AAK1: variants seen among roughly 807,000 people sequenced by gnomAD.
AAK1 encodes AP2 associated kinase 1, also known as AP2-associated protein kinase 1.
AAK1 carries 37 observed loss-of-function variants against 116.0 expected under a neutral mutation model. The ratio of observed to expected loss-of-function variants is 0.32; its 90% confidence interval spans 0.25 to 0.42. The LOEUF (loss-of-function observed/expected upper bound fraction) is 0.42. Ranked by LOEUF, AAK1 falls within the 10% of genes least tolerant of loss-of-function variation. The pLI, the probability that AAK1 is intolerant of heterozygous loss-of-function variation, is 1.00. For synonymous variants in AAK1, 458 were observed against 439.9 expected (o/e 1.04, Z -0.51); for missense variants, 919 against 1,170.6 (o/e 0.79, Z 3.14).
At position 69,643,196 on chromosome 2, in the gene AAK1, G is replaced by C. The variant is rs190780736; in HGVS notation, c.-156C>G. 3 of 1,433,678 alleles carry C rather than the reference G, an allele frequency of 2.1e-6. No individual in the cohort carries two copies. In the East Asian group the frequency reaches 7.6e-5, roughly 36 times the overall value. 88.8% of individuals were successfully genotyped at this position (1,433,678 alleles called of 1,614,324 possible). A position where few individuals can be genotyped will look rare whatever the true frequency, so the allele number is the denominator to read the frequency against. On this transcript the variant is annotated 5_prime_UTR_variant, in exon 2 of 22. Transcript: ENST00000409085. ...GGCCGTGGGGGTGGGGGCTGAGGGA[G>C]GATGCCTATAGGAATATGCGTGTCA...
chr2:69,516,593 A>T (rs974562449), intron 12 of AAK1, among the ~76,000 whole-genome samples: 1 of 152,144 alleles, frequency 6.6e-6, no homozygotes, highest in African/African-American at 2.4e-5. Flanking sequence ...GGGCAGCATG[A>T]TCCTAGAGGG....
chr2:69,467,771 C>G lies in AAK1; in HGVS notation c.*8098G>C, dbSNP rs1258963429. The stretch of plus-strand genomic sequence containing the variant: ...AAAGTTTCTGCATGAATTAAGCACA[C>G]AGACCACAGCAGAAGAGGCATTAAA... On this transcript the variant is annotated 3_prime_UTR_variant, in exon 22 of 22. Coordinates refer to ENST00000409085, the MANE Select transcript of AAK1 (RefSeq NM_014911.5). 1 of 985,268 alleles carries G rather than the reference C, an allele frequency of 1.0e-6. No homozygotes were observed. Among genetic ancestry groups the G allele is most frequent in the African/African-American group, 1.7e-5 (1 of 57,194 alleles). 61.0% of individuals were successfully genotyped at this position (985,268 alleles called of 1,614,324 possible). A position where few individuals can be genotyped will look rare whatever the true frequency, so the allele number is the denominator to read the frequency against.
chr2:69,461,602 T>C lies in AAK1; in HGVS notation c.*14267A>G. 1 of 429,484 alleles carries C rather than the reference T, an allele frequency of 2.3e-6. No individual in the cohort carries two copies. The highest frequency in any genetic ancestry group is 1.7e-5 in the South Asian group (1 of 59,382). The allele number at this position is 429,484 out of a possible 1,614,324, so 26.6% of individuals were successfully genotyped here. A position where few individuals can be genotyped will look rare whatever the true frequency, so the allele number is the denominator to read the frequency against. On this transcript the variant is annotated 3_prime_UTR_variant, in exon 22 of 22. Transcript: ENST00000409085. The stretch of plus-strand genomic sequence containing the variant: ...ATCATGTCTCCAGTGACAATTTTTT[T>C]TTTTTTTTTGAGGCGGAGTTTTGCT...
chr2:69,630,177 T>C (rs1332050069), intron 2 of AAK1, among the ~76,000 whole-genome samples: 1 of 152,076 alleles, frequency 6.6e-6, no homozygotes, highest in Non-Finnish European at 1.5e-5. Flanking sequence ...GAGAGGCCCA[T>C]CATACTTATA....
intron 9 of AAK1, among the ~76,000 whole-genome samples, chr2:69,525,810 C>T (rs538561248): frequency 2.4e-4 from 36 of 152,190 alleles, no homozygotes; most frequent in African/African-American, 8.0e-4. Flanking sequence ...TTTTAAAAAA[C>T]TAGCTACCAA....
intron 2 of AAK1, among the ~76,000 whole-genome samples, chr2:69,582,578 G>C (rs1672594435): frequency 6.6e-6 from 1 of 152,168 alleles, no homozygotes; most frequent in Non-Finnish European, 1.5e-5. Flanking sequence ...GCTACTGGGG[G>C]GTGAGGGCGG....
At position 69,470,198 on chromosome 2, in the gene AAK1, G is replaced by A; in HGVS notation, c.*5671C>T. 1.0e-6 allele frequency: 1 copy of A among 985,422 alleles called. No individual in the cohort carries two copies. The allele number at this position is 985,422 out of a possible 1,614,324, so 61.0% of individuals were successfully genotyped here. ...CAAAAACTGAAAGAACGGTTACAGGGAGTATCAAAGATATGATTCTTGCCA... is the reference window on the plus strand; with the variant it reads ...CAAAAACTGAAAGAACGGTTACAGGAAGTATCAAAGATATGATTCTTGCCA... On this transcript the variant is annotated 3_prime_UTR_variant, in exon 22 of 22. Coordinates refer to ENST00000409085, the MANE Select transcript of AAK1 (RefSeq NM_014911.5).
At chr2:69,481,697 A>C (rs1446510215) in intron 18 of AAK1, 1 of 152,238 alleles carries the variant, frequency 6.6e-6, no homozygotes, top group African/African-American at 2.4e-5. Flanking sequence ...ACATAGGAAA[A>C]TGTGAGAGAG....
chr2:69,642,767 G>T (rs1258975104), intron 2 of AAK1, 111 bp downstream of exon 2: 1 of 1,425,146 alleles, frequency 7.0e-7, no homozygotes, highest in Non-Finnish European at 9.6e-7. Flanking sequence ...AGTGAAGGGG[G>T]AAGGGAGGGT....
intron 2 of AAK1, among the ~76,000 whole-genome samples, chr2:69,567,598 A>C (rs1187608567): frequency 6.7e-6 from 1 of 149,092 alleles, no homozygotes; most frequent in Non-Finnish European, 1.5e-5. Context: ...CAATGACAGC[A>C]ACAACAAAAA....
At chr2:69,587,446 T>C (rs1214385108) in intron 2 of AAK1, among the ~76,000 whole-genome samples, 1 of 149,688 alleles carries the variant, frequency 6.7e-6, no homozygotes, top group Admixed American at 6.6e-5. Context: ...TATGTGTATA[T>C]GTATATATGT....
At chr2:69,504,850 A>C (rs1033562546) in intron 16 of AAK1, among the ~76,000 whole-genome samples, 2 of 152,236 alleles carry the variant, frequency 1.3e-5, no homozygotes, top group African/African-American at 4.8e-5. Context: ...TGTGACTCTC[A>C]AAAGGTTAAA....
At chr2:69,571,057 T>C (rs1305432269) in intron 2 of AAK1, among the ~76,000 whole-genome samples, 2 of 152,168 alleles carry the variant, frequency 1.3e-5, no homozygotes, top group Admixed American at 6.5e-5. Flanking sequence ...CCCACTTGTA[T>C]GCATTCTAGT....
rs560997287 is a variant in AAK1 at position 69,474,791 on chromosome 2, T to A, written c.*1078A>T. On this transcript the variant is annotated 3_prime_UTR_variant, in exon 22 of 22. Coordinates refer to ENST00000409085, the MANE Select transcript of AAK1 (RefSeq NM_014911.5). ...GTTACACTGTAGGATTGTTGTGTAGTTATACAAGGGAAAGAAATCAAAACC... is the reference window on the plus strand; with the variant it reads ...GTTACACTGTAGGATTGTTGTGTAGATATACAAGGGAAAGAAATCAAAACC... The A allele has an allele frequency of 1.0e-5, 10 of 985,838 alleles. No homozygotes were observed. In the South Asian group the frequency reaches 4.7e-4, roughly 46 times the overall value. The allele number at this position is 985,838 out of a possible 1,614,324, so 61.1% of individuals were successfully genotyped here.
intron 2 of AAK1, among the ~76,000 whole-genome samples, chr2:69,611,384 T>G (rs188486026): frequency 6.6e-6 from 1 of 152,236 alleles, no homozygotes; most frequent in African/African-American, 2.4e-5. Flanking sequence ...TGGGGGCTTT[T>G]GGGCCTTCGG....
chr2:69,532,252 T>C, intron 5 of AAK1, 90 bp from the exon 6 acceptor site: 1 of 1,485,116 alleles, frequency 6.7e-7, no homozygotes, highest in South Asian at 1.2e-5. Flanking sequence ...ATAAACGTTT[T>C]ATTTCTGGCA....
At chr2:69,633,845 G>A (rs1229119729) in intron 2 of AAK1, among the ~76,000 whole-genome samples, 2 of 152,164 alleles carry the variant, frequency 1.3e-5, no homozygotes, top group Non-Finnish European at 2.9e-5. Context: ...GGGAGATTCA[G>A]CTGGGAAGGG....
intron 2 of AAK1, among the ~76,000 whole-genome samples, chr2:69,636,110 A>G (rs761307018): frequency 1.8e-4 from 27 of 152,206 alleles, no homozygotes; most frequent in Non-Finnish European, 3.8e-4. Flanking sequence ...ACTATAGTTC[A>G]TGTGTGCTTG....
At chr2:69,625,777 G>T (rs1271577812) in intron 2 of AAK1, among the ~76,000 whole-genome samples, 1 of 152,160 alleles carries the variant, frequency 6.6e-6, no homozygotes, top group African/African-American at 2.4e-5. Context: ...ACACTTTCAT[G>T]GGCCAGGAAC....
Sources: gnomAD v4.1 joint callset for allele counts (sites outside exome capture counted in the v4.1 genomes callset) on GRCh38, gnomAD v4.1.1 for gene constraint, MANE v1.5 for transcripts, NCBI Gene and HGNC (gene_info 2026-07-23, HGNC 2026-07-21) for gene names.